Variants in ESD observed in about 807,000 individuals in gnomAD.
The protein encoded by ESD is S-formylglutathione hydrolase.
Under a neutral mutation model 38.1 loss-of-function variants are expected in ESD, and 34 were observed. The ratio of observed to expected loss-of-function variants is 0.89; its 90% CI spans 0.68 to 1.19. ESD has a LOEUF of 1.19. ESD is among the 50% of genes most tolerant of loss of function. ESD has a pLI of 0.00. For synonymous variants in ESD, 97 were observed against 107.0 expected, an observed-to-expected ratio of 0.91 and a Z score of 0.58; for missense variants, 334 against 327.2, an observed-to-expected ratio of 1.02 and a Z score of -0.16.
chr13:46,784,079 T>C lies in ESD; in HGVS notation c.256+173A>G, dbSNP rs142725116. ...ATAAAGGCCATGTCATGAGTAAAAT[T>C]CAATGAGGAAAATGTACAGCATGGT... On this transcript the variant is annotated intron_variant, in intron 5 of 9. Coordinates refer to ENST00000378720, the MANE Select transcript of ESD (RefSeq NM_001984.2). 6.7e-4 allele frequency among the ~76,000 whole-genome samples: 102 copies of C among 152,068 alleles called. No homozygotes were observed. In the East Asian group the frequency reaches 0.019, roughly 28 times the overall value.
At chr13:46,783,042 G>GT (rs1875064904) in intron 5 of ESD, among the ~76,000 whole-genome samples, 1 of 151,910 alleles carries the variant, frequency 6.6e-6, no homozygotes, top group East Asian at 1.9e-4. Flanking sequence ...AGCTGCCAAG[G>GT]TAAGATACAC....
intron 8 of ESD, among the ~76,000 whole-genome samples, chr13:46,778,058 T>TA (rs1440382474): frequency 1.3e-5 from 2 of 151,882 alleles, no homozygotes; most frequent in Non-Finnish European, 2.9e-5. Context: ...TCTTTTTTTT[T>TA]ATGTCTCTTC....
At chr13:46,780,586 T>C (rs1874963891) in intron 7 of ESD, among the ~76,000 whole-genome samples, 1 of 151,746 alleles carries the variant, frequency 6.6e-6, no homozygotes, top group Admixed American at 6.6e-5. Flanking sequence ...TGGTATCTAC[T>C]AGCTTTTTTA....
chr13:46,779,995 G>A lies in ESD; in HGVS notation c.540C>T (p.Leu180=). The stretch of plus-strand genomic sequence containing the variant: ...TAAAGGCTTTTTTGCCCCAGGGACA[G>A]AGTACAGGGTTGCAAATTGGAGCAA... The part of the protein sequence containing the change: ...SAFAPICNPV[L]CPWGKKAFSG... The change falls in exon 8 of 10, where the codon CTC becomes CTT. Residue 180 remains leucine, a synonymous_variant. Transcript: ENST00000378720. 1 of 1,605,094 alleles carries A rather than the reference G, an allele frequency of 6.2e-7. No individual in the cohort carries two copies. Among genetic ancestry groups the A allele is most frequent in the Non-Finnish European group, 8.5e-7 (1 of 1,174,146 alleles).
At chr13:46,791,544 T>C (rs1875402663) in intron 2 of ESD, 124 bp from the exon 3 acceptor site, 4 of 658,018 alleles carry the variant, frequency 6.1e-6, no homozygotes, top group Non-Finnish European at 1.0e-5. Context: ...GAATTTTTTT[T>C]TCACATTTTT....
intron 5 of ESD, 37 bp from the exon 6 acceptor site, chr13:46,782,828 T>C (rs374640883): frequency 1.9e-6 from 3 of 1,607,056 alleles, no homozygotes; most frequent in Non-Finnish European, 2.5e-6. Context: ...ATCTGCTCTG[T>C]AGTAATGGCC....
intron 7 of ESD, 46 bp from the exon 8 acceptor site, chr13:46,780,079 T>A (rs1299874493): frequency 1.5e-6 from 2 of 1,323,770 alleles, no homozygotes; most frequent in Non-Finnish European, 2.1e-6. Flanking sequence ...TTTTGCTAAA[T>A]TAAATATGAA....
intron 7 of ESD, among the ~76,000 whole-genome samples, chr13:46,780,375 A>C (rs1874957329): frequency 6.6e-6 from 1 of 151,804 alleles, no homozygotes; most frequent in African/African-American, 2.4e-5. Context: ...GATATAAAAC[A>C]GTTCATGCTT....
chr13:46,775,453 A>AT (rs1874760545), intron 9 of ESD: 3 of 277,982 alleles, frequency 1.1e-5, no homozygotes, highest in Non-Finnish European at 2.2e-5. Flanking sequence ...TTTTCAGCTT[A>AT]TTTTTTACAG....
At chr13:46,775,533 G>A (rs1263023640) in intron 9 of ESD, 2 of 402,870 alleles carry the variant, frequency 5.0e-6, no homozygotes, top group East Asian at 7.6e-5. Context: ...GATAAAACTC[G>A]CAGACCCAGG....
At chr13:46,796,706 G>A (rs1235267421) in intron 1 of ESD, among the ~76,000 whole-genome samples, 2 of 152,232 alleles carry the variant, frequency 1.3e-5, no homozygotes, top group Non-Finnish European at 2.9e-5. Flanking sequence ...GGCGCCGGCG[G>A]CCGCTAGTAA....
chr13:46,786,386 A>T (rs1875193188), intron 4 of ESD, among the ~76,000 whole-genome samples: 1 of 152,050 alleles, frequency 6.6e-6, no homozygotes, highest in Non-Finnish European at 1.5e-5. Context: ...AGTTGCTAGG[A>T]TTCTCTCCTT....
chr13:46,795,755 T>C (rs1014041061), intron 1 of ESD, among the ~76,000 whole-genome samples: 1 of 143,616 alleles, frequency 7.0e-6, no homozygotes, highest in Non-Finnish European at 1.5e-5. Flanking sequence ...TTTTTTTTCT[T>C]CTTTTTTTTT....
chr13:46,796,667 G>C (rs754252345), intron 1 of ESD, among the ~76,000 whole-genome samples: 16 of 152,224 alleles, frequency 1.1e-4, no homozygotes, highest in Non-Finnish European at 2.2e-4. Context: ...ACGCTGCCTA[G>C]AGCAGCAGGT....
intron 3 of ESD, among the ~76,000 whole-genome samples, chr13:46,790,217 A>C (rs940829505): frequency 6.6e-6 from 1 of 152,038 alleles, no homozygotes; most frequent in Non-Finnish European, 1.5e-5. Flanking sequence ...TATGAAGAGA[A>C]GTTCATATCA....
intron 3 of ESD, among the ~76,000 whole-genome samples, chr13:46,787,481 T>G (rs1467227052): frequency 2.0e-5 from 3 of 151,998 alleles, no homozygotes; most frequent in Admixed American, 2.0e-4. Flanking sequence ...TCTTGAGATC[T>G]TACATATTTG....
intron 8 of ESD, 25 bp downstream of exon 8, chr13:46,779,910 A>T: frequency 6.5e-7 from 1 of 1,536,698 alleles, no homozygotes; most frequent in Non-Finnish European, 9.0e-7. Flanking sequence ...AAGAATGAGT[A>T]TTAAGACAGC....
At chr13:46,795,526 C>T (rs933017196) in intron 1 of ESD, among the ~76,000 whole-genome samples, 4 of 152,216 alleles carry the variant, frequency 2.6e-5, no homozygotes, top group Non-Finnish European at 5.9e-5. Flanking sequence ...CACCCCCTGG[C>T]TGCTGCAGGT....
At chr13:46,790,073 C>T (rs959913802) in intron 3 of ESD, among the ~76,000 whole-genome samples, 1 of 151,248 alleles carries the variant, frequency 6.6e-6, no homozygotes, top group Non-Finnish European at 1.5e-5. Flanking sequence ...AACTCCTGAC[C>T]TCAGGTGATC....
Sources: allele counts gnomAD v4.1 joint callset (sites outside exome capture counted in the v4.1 genomes callset), GRCh38; gene constraint gnomAD v4.1.1; transcripts MANE v1.5; gene names NCBI Gene and HGNC (gene_info 2026-07-23, HGNC 2026-07-21).